Variants in SLC9A4 observed in about 807,000 individuals in gnomAD.
SLC9A4 encodes sodium/hydrogen exchanger 4.
A neutral mutation model predicts 67.4 loss-of-function variants in SLC9A4; 63 were observed. The ratio of observed to expected loss-of-function variants is 0.93; its 90% confidence interval spans 0.76 to 1.15. The LOEUF (loss-of-function observed/expected upper bound fraction) is 1.15. Ranked by LOEUF, SLC9A4 falls within the 50% of genes most tolerant of loss-of-function variation. The pLI is 0.00. For missense variants in SLC9A4, 1,089 were observed against 987.7 expected (o/e 1.10, Z -1.38); for synonymous variants, 393 against 367.2 (o/e 1.07, Z -0.80).
At chr2:102,500,142 C>T (rs1334470981) in intron 2 of SLC9A4, among the ~76,000 whole-genome samples, 1 of 152,102 alleles carries the variant, frequency 6.6e-6, no homozygotes, top group Non-Finnish European at 1.5e-5. Context: ...AATCCAATGC[C>T]TGATGTCCTT....
chr2:102,510,618 C>T (rs557096023), intron 6 of SLC9A4, among the ~76,000 whole-genome samples: 21 of 152,218 alleles, frequency 1.4e-4, no homozygotes, highest in Non-Finnish European at 2.9e-4. Context: ...ATTGAATAAC[C>T]GGGGACTTGC....
At chr2:102,527,739 G>A (rs536176698) in intron 11 of SLC9A4, among the ~76,000 whole-genome samples, 1 of 152,242 alleles carries the variant, frequency 6.6e-6, no homozygotes, top group South Asian at 2.1e-4. Flanking sequence ...CCACTGGGAT[G>A]TTGTCAAACT....
intron 2 of SLC9A4, among the ~76,000 whole-genome samples, chr2:102,481,567 A>G (rs1684462480): frequency 6.6e-6 from 1 of 152,198 alleles, no homozygotes; most frequent in Non-Finnish European, 1.5e-5. Context: ...TTTTATATGC[A>G]AATGTTGCGT....
At chr2:102,483,853 A>C (rs951756777) in intron 2 of SLC9A4, among the ~76,000 whole-genome samples, 14 of 138,030 alleles carry the variant, frequency 1.0e-4, no homozygotes, top group Admixed American at 2.1e-4. Flanking sequence ...CACACACACA[A>C]TATACACACA....
intron 4 of SLC9A4, among the ~76,000 whole-genome samples, chr2:102,505,959 C>G (rs995605730): frequency 2.3e-4 from 35 of 152,194 alleles, no homozygotes; most frequent in Admixed American, 2.2e-3. Context: ...AAATTGTATT[C>G]TATGGAAGAC....
At chr2:102,490,626 G>T (rs1181277151) in intron 2 of SLC9A4, among the ~76,000 whole-genome samples, 1 of 152,138 alleles carries the variant, frequency 6.6e-6, no homozygotes, top group Admixed American at 6.6e-5. Context: ...ATTTGGAGAG[G>T]GGGGCATGAT....
chr2:102,511,793 T>C (rs79832480), intron 6 of SLC9A4, among the ~76,000 whole-genome samples: 13,827 of 151,824 alleles, frequency 0.091, 760 homozygotes, highest in Middle Eastern at 0.17. Context: ...AGTGTGTTCT[T>C]TTCTTCTGCA....
intron 10 of SLC9A4, 135 bp downstream of exon 10, chr2:102,525,290 G>A (rs1674639555): frequency 2.2e-6 from 3 of 1,392,176 alleles, no homozygotes; most frequent in Non-Finnish European, 1.9e-6. Flanking sequence ...TGTTACCTGA[G>A]AGATACTAAA....
intron 2 of SLC9A4, among the ~76,000 whole-genome samples, chr2:102,480,337 T>C (rs1405305120): frequency 6.6e-6 from 1 of 152,034 alleles, no homozygotes; most frequent in Non-Finnish European, 1.5e-5. Context: ...ATTGCTTAGA[T>C]ATAACAAGTC....
intron 3 of SLC9A4, among the ~76,000 whole-genome samples, chr2:102,504,430 G>A (rs4851606): frequency 0.71 from 107,804 of 152,140 alleles, 38,930 homozygotes; most frequent in Middle Eastern, 0.77. Context: ...TCTTCAGTGT[G>A]TGATGAAACT....
Position 102,487,224 on chromosome 2 carries a change from G to A in SLC9A4, c.720+7922G>A, listed in dbSNP as rs938657063. On this transcript the variant is annotated intron_variant, in intron 2 of 11. Transcript: ENST00000295269. ...GTGTGTGTCACAGGCAGAGGGAGAA[G>A]TAAACCAAGAGAGAGAGAAACAGAG... 3.4e-5 allele frequency among the ~76,000 whole-genome samples: 5 copies of A among 145,164 alleles called. 1 individual carries two copies. The highest frequency in any genetic ancestry group is 1.4e-4 in the African/African-American group (5 of 36,650).
intron 2 of SLC9A4, among the ~76,000 whole-genome samples, chr2:102,494,342 A>G (rs1684763075): frequency 6.7e-6 from 1 of 149,750 alleles, no homozygotes; most frequent in Admixed American, 6.6e-5. Flanking sequence ...ATGATGCAAA[A>G]AATCTGGTCA....
At chr2:102,521,857 C>T (rs776174007) in intron 9 of SLC9A4, among the ~76,000 whole-genome samples, 1 of 152,166 alleles carries the variant, frequency 6.6e-6, no homozygotes, top group Non-Finnish European at 1.5e-5. Flanking sequence ...CGGGATTTAC[C>T]TCAGAGCAGG....
rs183233007 is a variant in SLC9A4 at position 102,508,081 on chromosome 2, G to T, written c.1201G>T (p.Val401Leu). 1 of 1,614,014 alleles carries T rather than the reference G, an allele frequency of 6.2e-7. No individual in the cohort carries two copies. Among genetic ancestry groups the T allele is most frequent in the Middle Eastern group, 1.6e-4 (1 of 6,062 alleles). ...AATACACGTTTCCCCCTTTCTAGGC[G>T]TATTTGCTCTCTTCTATATCAGTAA... ...AFCQIWRAIS[V>L]FALFYISNQF... Residue 401 changes from valine to leucine, a missense_variant and splice_region_variant, in exon 5 of 12, where the codon GTA becomes TTA. Coordinates refer to ENST00000295269, the MANE Select transcript of SLC9A4 (RefSeq NM_001011552.4).
At chr2:102,487,326 G>A (rs1343307363) in intron 2 of SLC9A4, among the ~76,000 whole-genome samples, 2 of 152,172 alleles carry the variant, frequency 1.3e-5, no homozygotes, top group Non-Finnish European at 2.9e-5. Flanking sequence ...CCTGGGAGAA[G>A]TGAGGAGCAG....
chr2:102,479,015 T>C lies in SLC9A4; in HGVS notation c.433T>C (p.Phe145Leu). ...LPPIVLEGGY[F>L]MPTRPFFENI... Reference sequence around the variant, plus strand: ...ACCCATCGTTCTGGAGGGCGGCTACTTCATGCCCACCCGGCCCTTCTTTGA... The same window carrying C: ...ACCCATCGTTCTGGAGGGCGGCTACCTCATGCCCACCCGGCCCTTCTTTGA... Residue 145 changes from phenylalanine (F) to leucine (L), a missense_variant, in exon 2 of 12, where the codon TTC becomes CTC. Phe to Leu is a conservative substitution (Grantham distance 22). Coordinates refer to ENST00000295269, the MANE Select transcript of SLC9A4 (RefSeq NM_001011552.4). 1.2e-6 allele frequency: 2 copies of C among 1,614,234 alleles called. No homozygotes were observed. The highest frequency in any genetic ancestry group is 1.7e-6 in the Non-Finnish European group (2 of 1,180,050).
chr2:102,510,192 G>C (rs2104438265), intron 6 of SLC9A4, among the ~76,000 whole-genome samples: 1 of 139,112 alleles, frequency 7.2e-6, no homozygotes, highest in South Asian at 2.3e-4. Context: ...GATGGATATA[G>C]ATATAGATAG....
At chr2:102,514,056 T>G in intron 7 of SLC9A4, 34 bp from the exon 8 acceptor site, 1 of 1,604,720 alleles carries the variant, frequency 6.2e-7, no homozygotes, top group Non-Finnish European at 8.5e-7. Flanking sequence ...ATACAGACGT[T>G]CAAGATTTCC....
At position 102,508,211 on chromosome 2, in the gene SLC9A4, C is replaced by T; in HGVS notation, c.1331C>T (p.Ser444Phe). ...SFSLAFLLPL[S>F]LFPRKKMFVT... The stretch of plus-strand genomic sequence containing the variant: ...TCACTTGCATTTTTGCTTCCTCTGT[C>T]TCTTTTTCCTAGGAAGAAAATGTTT... Residue 444 changes from serine (S) to phenylalanine (F), a missense_variant, in exon 5 of 12, where the codon TCT becomes TTT. Physicochemically the swap from Ser to Phe is radical, Grantham distance 155. Transcript: ENST00000295269. The T allele has an allele frequency of 6.2e-7, 1 of 1,614,128 alleles. No individual in the cohort carries two copies. The highest frequency in any genetic ancestry group is 8.5e-7 in the Non-Finnish European group (1 of 1,180,024).
Sources: allele counts gnomAD v4.1 joint callset (sites outside exome capture counted in the v4.1 genomes callset), GRCh38; gene constraint gnomAD v4.1.1; transcripts MANE v1.5; gene names NCBI Gene and HGNC (gene_info 2026-07-23, HGNC 2026-07-21).